Variants in LDLRAD3 observed in about 807,000 individuals in gnomAD.
LDLRAD3 encodes the protein low density lipoprotein receptor class A domain containing 3, also known as low-density lipoprotein receptor class A domain-containing protein 3.
A neutral mutation model predicts 29.4 loss-of-function variants in LDLRAD3; 20 were observed. The observed-to-expected ratio is 0.68, with a 90% confidence interval of 0.48 to 0.99. The LOEUF is 0.99. Among genes scored for constraint, LDLRAD3 ranks in the 50% least tolerant of loss-of-function variants. LDLRAD3 has a pLI of 0.00. For synonymous variants in LDLRAD3, 157 were observed against 192.7 expected (o/e 0.81, Z 1.53); for missense variants, 420 against 454.3 (o/e 0.92, Z 0.69).
chr11:35,953,410 G>A (rs1451309911), intron 1 of LDLRAD3, among the ~76,000 whole-genome samples: 1 of 152,168 alleles, frequency 6.6e-6, no homozygotes, highest in East Asian at 1.9e-4. Flanking sequence ...TTATGTGTTT[G>A]TTGGCATAAA....
At chr11:36,149,513 C>T (rs1041103791) in intron 4 of LDLRAD3, among the ~76,000 whole-genome samples, 5 of 152,194 alleles carry the variant, frequency 3.3e-5, no homozygotes, top group South Asian at 2.1e-4. Flanking sequence ...GTGTCTGAGA[C>T]GCTGTCCCTG....
chr11:36,058,198 C>CCCG (rs1852649365), intron 2 of LDLRAD3, among the ~76,000 whole-genome samples: 1 of 152,194 alleles, frequency 6.6e-6, no homozygotes, highest in South Asian at 2.1e-4. Context: ...CTGCTCTCCG[C>CCCG]CCGCCAGCTC....
chr11:36,157,243 C>T (rs980215286), intron 4 of LDLRAD3, among the ~76,000 whole-genome samples: 3 of 152,172 alleles, frequency 2.0e-5, no homozygotes, highest in Admixed American at 6.5e-5. Context: ...TCTCTGCCCC[C>T]TCATGCCTTT....
intron 4 of LDLRAD3, among the ~76,000 whole-genome samples, chr11:36,123,278 T>G (rs1266336850): frequency 6.6e-6 from 1 of 152,250 alleles, no homozygotes; most frequent in East Asian, 1.9e-4. Context: ...GTGCTTATTT[T>G]TAAATGTAAT....
chr11:36,156,541 G>A (rs941952732), intron 4 of LDLRAD3, among the ~76,000 whole-genome samples: 3 of 152,198 alleles, frequency 2.0e-5, no homozygotes, highest in African/African-American at 4.8e-5. Flanking sequence ...GAAGATCTAC[G>A]TCCTTGAAAT....
At chr11:36,111,386 C>G (rs1193654553) in intron 4 of LDLRAD3, among the ~76,000 whole-genome samples, 1 of 152,006 alleles carries the variant, frequency 6.6e-6, no homozygotes, top group Non-Finnish European at 1.5e-5. Context: ...AAAAACTTAC[C>G]TGGGTTATTC....
intron 4 of LDLRAD3, among the ~76,000 whole-genome samples, chr11:36,206,712 C>T (rs1855214768): frequency 6.8e-6 from 1 of 146,324 alleles, no homozygotes; most frequent in South Asian, 2.2e-4. Flanking sequence ...ACTAGCAAGA[C>T]TTGTTGATTT....
At chr11:35,983,066 C>G (rs982543142) in intron 1 of LDLRAD3, among the ~76,000 whole-genome samples, 1 of 152,070 alleles carries the variant, frequency 6.6e-6, no homozygotes, top group African/African-American at 2.4e-5. Context: ...GTTGGCCAGG[C>G]TGGTCTTGAA....
At chr11:36,185,384 T>C (rs1227521810) in intron 4 of LDLRAD3, among the ~76,000 whole-genome samples, 1 of 152,144 alleles carries the variant, frequency 6.6e-6, no homozygotes, top group Non-Finnish European at 1.5e-5. Flanking sequence ...AAGGTAAAAA[T>C]CTTTAGATGC....
intron 4 of LDLRAD3, among the ~76,000 whole-genome samples, chr11:36,145,237 C>T (rs1159725812): frequency 2.1e-5 from 2 of 95,826 alleles, no homozygotes; most frequent in Non-Finnish European, 4.2e-5. Flanking sequence ...CCAGCCGCCC[C>T]GTCCGGGAGG....
intron 4 of LDLRAD3, among the ~76,000 whole-genome samples, chr11:36,128,117 C>CATATACATATATATAT (rs1554966874): frequency 1.0e-5 from 1 of 98,952 alleles, no homozygotes; most frequent in Non-Finnish European, 2.3e-5. Flanking sequence ...GTTGTTTTTA[C>CATATACATATATATAT]ATATATATAT....
chr11:36,144,275 G>A (rs1205643224), intron 4 of LDLRAD3, among the ~76,000 whole-genome samples: 20 of 151,294 alleles, frequency 1.3e-4, no homozygotes, highest in African/African-American at 4.8e-4. Flanking sequence ...ATCTCGGCTC[G>A]CTACAACCTC....
At chr11:36,220,142 CCA>C (rs1449430371) in intron 4 of LDLRAD3, among the ~76,000 whole-genome samples, 30 of 152,152 alleles carry the variant, frequency 2.0e-4, no homozygotes, top group African/African-American at 7.2e-4. Context: ...CAATAAGATA[CCA>C]CTAAATACCT....
chr11:35,954,512 T>G (rs1214845104), intron 1 of LDLRAD3, among the ~76,000 whole-genome samples: 1 of 152,208 alleles, frequency 6.6e-6, no homozygotes, highest in Non-Finnish European at 1.5e-5. Flanking sequence ...TCCTGTAAGT[T>G]ACCCTACAAG....
chr11:36,129,077 T>C (rs1275575398), intron 4 of LDLRAD3, among the ~76,000 whole-genome samples: 1 of 150,856 alleles, frequency 6.6e-6, no homozygotes, highest in East Asian at 1.9e-4. Context: ...GTTTGGGGAG[T>C]AGAGAGGAAT....
At chr11:36,137,030 C>A (rs972827297) in intron 4 of LDLRAD3, among the ~76,000 whole-genome samples, 4 of 152,094 alleles carry the variant, frequency 2.6e-5, no homozygotes, top group African/African-American at 9.7e-5. Context: ...TCAGGTATTT[C>A]TTTATAGCAA....
In LDLRAD3 at chr11:36,020,408, C is replaced by T. The variant is rs540105196; in HGVS notation, c.47-15695C>T. Among the ~76,000 whole-genome samples the T allele has an allele frequency of 2.0e-5, 3 of 152,210 alleles. No homozygotes were observed. In the East Asian group the frequency reaches 5.8e-4, roughly 29 times the overall value. On this transcript the variant is annotated intron_variant, in intron 1 of 5. Coordinates refer to ENST00000315571, the MANE Select transcript of LDLRAD3 (RefSeq NM_174902.4). ...AAAATGCATGCAAATAGGGACTGTCCACAAGATGGAGGAATAATCCTAATT... is the reference window on the plus strand; with the variant it reads ...AAAATGCATGCAAATAGGGACTGTCTACAAGATGGAGGAATAATCCTAATT...
chr11:36,068,795 C>T (rs1009581325), intron 2 of LDLRAD3, among the ~76,000 whole-genome samples: 22 of 152,142 alleles, frequency 1.4e-4, no homozygotes, highest in East Asian at 1.9e-4. Flanking sequence ...GGATTACAGG[C>T]GTGAGCCACC....
At chr11:36,081,208 G>A (rs1225300910) in intron 2 of LDLRAD3, among the ~76,000 whole-genome samples, 1 of 152,208 alleles carries the variant, frequency 6.6e-6, no homozygotes, top group African/African-American at 2.4e-5. Flanking sequence ...TGATTGCTGG[G>A]TGGATTAAAT....
Sources: gnomAD v4.1 joint callset for allele counts (sites outside exome capture counted in the v4.1 genomes callset) on GRCh38, gnomAD v4.1.1 for gene constraint, MANE v1.5 for transcripts, NCBI Gene and HGNC (gene_info 2026-07-23, HGNC 2026-07-21) for gene names.